The following ADCY2 variants were observed in gnomAD, a reference collection of about 807,000 sequenced individuals.
ADCY2 encodes the protein adenylate cyclase 2, also known as adenylate cyclase type 2.
ADCY2 carries 31 observed loss-of-function variants against 125.2 expected under a neutral mutation model. That is an observed-to-expected ratio of 0.25 (90% CI 0.19 to 0.33). The LOEUF is 0.33. Among genes scored for constraint, ADCY2 ranks in the 10% least tolerant of loss-of-function variants. The pLI, the probability that ADCY2 is intolerant of heterozygous loss-of-function variation, is 1.00. For synonymous variants in ADCY2, 512 were observed against 548.4 expected, an observed-to-expected ratio of 0.93 and a Z score of 0.93; for missense variants, 904 against 1,418.2, an observed-to-expected ratio of 0.64 and a Z score of 5.82.
chr5:7,512,217 T>TAAAAAAAAAAAA (rs1398702717), intron 2 of ADCY2, among the ~76,000 whole-genome samples: 1 of 8,708 alleles, frequency 1.1e-4, no homozygotes, highest in African/African-American at 1.0e-3. Flanking sequence ...CATGACTCCA[T>TAAAAAAAAAAAA]CAAAAAAAAA....
At chr5:7,643,977 T>C (rs892426355) in intron 4 of ADCY2, among the ~76,000 whole-genome samples, 3 of 152,000 alleles carry the variant, frequency 2.0e-5, no homozygotes, top group Non-Finnish European at 2.9e-5. Flanking sequence ...ATATAATTAT[T>C]TTTTATTAAA....
intron 2 of ADCY2, among the ~76,000 whole-genome samples, chr5:7,473,336 C>T (rs1742408365): frequency 6.6e-6 from 1 of 152,126 alleles, no homozygotes; most frequent in Admixed American, 6.5e-5. Context: ...CCAGCATGTG[C>T]AGACATCACA....
At chr5:7,466,574 A>G (rs1452227256) in intron 2 of ADCY2, among the ~76,000 whole-genome samples, 2 of 152,206 alleles carry the variant, frequency 1.3e-5, no homozygotes, top group Non-Finnish European at 2.9e-5. Context: ...TCACTGTGCT[A>G]TCCTACCTCG....
At position 7,826,813 on chromosome 5, in the gene ADCY2, C is replaced by T; in HGVS notation, c.3218C>T (p.Thr1073Met). 2 of 1,614,118 alleles carry T rather than the reference C, an allele frequency of 1.2e-6. No homozygotes were observed. Among genetic ancestry groups the T allele is most frequent in the Non-Finnish European group, 1.7e-6 (2 of 1,180,016 alleles). ...INVKGKGDLK[T>M]YFVNTEMSRS... ...GTGAAAGGAAAGGGGGACCTGAAGA[C>T]GTACTTTGTAAACACAGAAATGTCA... Residue 1073 changes from threonine (T) to methionine (M), a missense_variant, in exon 25 of 25, where the codon ACG becomes ATG. By Grantham distance (81) the Thr-to-Met change is moderately conservative. Coordinates refer to ENST00000338316, the MANE Select transcript of ADCY2 (RefSeq NM_020546.3).
At chr5:7,470,634 ATGTGTG>A (rs35202661) in intron 2 of ADCY2, among the ~76,000 whole-genome samples, 18 of 147,656 alleles carry the variant, frequency 1.2e-4, no homozygotes, top group Middle Eastern at 3.6e-3. Context: ...TACTGTATAT[ATGTGTG>A]TGTGTGTGTG....
chr5:7,497,205 T>G (rs1743373217), intron 2 of ADCY2, among the ~76,000 whole-genome samples: 1 of 152,186 alleles, frequency 6.6e-6, no homozygotes, highest in African/African-American at 2.4e-5. Flanking sequence ...ATGGGAAGAT[T>G]AATCACATGT....
At position 7,709,100 on chromosome 5, in the gene ADCY2, C is replaced by T. The variant is rs535122577; in HGVS notation, c.1402-111C>T. The T allele has an allele frequency of 2.2e-5, 24 of 1,091,222 alleles. No individual in the cohort carries two copies. In the South Asian group the frequency reaches 3.6e-4, roughly 16 times the overall value. The allele number at this position is 1,091,222 out of a possible 1,614,324, so 67.6% of individuals were successfully genotyped here. A position where few individuals can be genotyped will look rare whatever the true frequency, so the allele number is the denominator to read the frequency against. ...GAATAAGGACAGAAAACACAGAGGG[C>T]GAATAGAGGGCTGTCAGGAGGAATG... On this transcript the variant is annotated intron_variant, in intron 9 of 24. Coordinates refer to ENST00000338316, the MANE Select transcript of ADCY2 (RefSeq NM_020546.3). This position sits in a 1 kb window ranked among gnomAD's most constrained non-coding sequence, Gnocchi z 4.4.
chr5:7,532,304 A>T (rs998556582), intron 3 of ADCY2, among the ~76,000 whole-genome samples: 2 of 152,116 alleles, frequency 1.3e-5, no homozygotes, highest in African/African-American at 4.8e-5. Context: ...GTTTCATAGG[A>T]TTTTCAGTGC....
At chr5:7,708,185 A>G (rs1008845683) in intron 9 of ADCY2, 4 of 176,120 alleles carry the variant, frequency 2.3e-5, no homozygotes, top group Non-Finnish European at 4.7e-5. Context: ...AATTAAATAA[A>G]GAGAAAATGA....
intron 14 of ADCY2, among the ~76,000 whole-genome samples, chr5:7,739,388 C>G (rs1460735141): frequency 6.6e-6 from 1 of 151,674 alleles, no homozygotes; most frequent in Non-Finnish European, 1.5e-5. Context: ...CGTAATGTAT[C>G]AAAATGTGTG....
At chr5:7,438,686 A>C (rs1376426564) in intron 2 of ADCY2, among the ~76,000 whole-genome samples, 1 of 152,182 alleles carries the variant, frequency 6.6e-6, no homozygotes, top group African/African-American at 2.4e-5. Context: ...CAGTTTCTTC[A>C]TGTGTAAAAT....
intron 4 of ADCY2, among the ~76,000 whole-genome samples, chr5:7,630,969 T>G (rs750593237): frequency 1.3e-5 from 2 of 151,990 alleles, no homozygotes; most frequent in Non-Finnish European, 2.9e-5. Context: ...TGTTATTTAT[T>G]GTATTTTGTA....
intron 3 of ADCY2, among the ~76,000 whole-genome samples, chr5:7,625,564 T>A (rs929244601): frequency 6.6e-5 from 10 of 152,234 alleles, no homozygotes; most frequent in Non-Finnish European, 1.3e-4. Flanking sequence ...AATAATGAGT[T>A]ATATGTTTTG....
chr5:7,696,092 T>C (rs938898874), intron 6 of ADCY2, among the ~76,000 whole-genome samples: 1 of 152,236 alleles, frequency 6.6e-6, no homozygotes, highest in Non-Finnish European at 1.5e-5. Context: ...ATTTTAAAAC[T>C]TCCCCCTATG....
At chr5:7,574,864 G>T (rs1311055467) in intron 3 of ADCY2, among the ~76,000 whole-genome samples, 1 of 152,138 alleles carries the variant, frequency 6.6e-6, no homozygotes, top group African/African-American at 2.4e-5. Flanking sequence ...AGATTAGAAA[G>T]AATTAGGTGT....
In ADCY2 at chr5:7,766,710, A is replaced by G. The variant is rs757593363; in HGVS notation, c.2118A>G (p.Glu706=). The change falls in exon 17 of 25, where the codon GAA becomes GAG. Residue 706 remains glutamate, a synonymous_variant. Coordinates refer to ENST00000338316, the MANE Select transcript of ADCY2 (RefSeq NM_020546.3). The part of the protein sequence containing the change: ...FNMFFLSDSE[E]TIPPTANTTN... ...AGTTTTTCCTGAGTGACTCAGAGGA[A>G]ACAATCCCTCCAACTGCCAACACAA... The G allele has an allele frequency of 2.5e-6, 4 of 1,612,350 alleles. No individual in the cohort carries two copies. The highest frequency in any genetic ancestry group is 3.4e-5 in the Admixed American group (2 of 59,582).
chr5:7,762,917 C>T (rs893665712), intron 16 of ADCY2, among the ~76,000 whole-genome samples: 11 of 152,092 alleles, frequency 7.2e-5, no homozygotes, highest in Admixed American at 5.9e-4. Context: ...CGGGGAAGAA[C>T]ATTTAATTTG....
At chr5:7,546,641 C>T (rs1255249363) in intron 3 of ADCY2, among the ~76,000 whole-genome samples, 2 of 152,336 alleles carry the variant, frequency 1.3e-5, no homozygotes, top group South Asian at 2.1e-4. Context: ...TCTTCCCTCA[C>T]GCCTTCACTT....
At chr5:7,522,510 A>G (rs1744481095) in intron 3 of ADCY2, 1 of 151,980 alleles carries the variant, frequency 6.6e-6, no homozygotes, top group Non-Finnish European at 1.5e-5. Context: ...CCTTTCTCCT[A>G]TAAGTTCCAC....
Sources: allele counts gnomAD v4.1 joint callset (sites outside exome capture counted in the v4.1 genomes callset), GRCh38; gene constraint gnomAD v4.1.1; non-coding constraint Gnocchi (gnomAD v3.1); transcripts MANE v1.5; gene names NCBI Gene and HGNC (gene_info 2026-07-23, HGNC 2026-07-21).